The following ZNF689 variants were observed in gnomAD, a reference collection of about 807,000 sequenced individuals.
ZNF689 encodes zinc finger protein 689, also known as short ORF-encoded histone-binding protein.
Under a neutral mutation model 37.2 loss-of-function variants are expected in ZNF689, and 14 were observed. The ratio of observed to expected loss-of-function variants is 0.38; its 90% CI spans 0.25 to 0.59. The LOEUF is 0.59. Ranked by LOEUF, ZNF689 falls within the 20% of genes least tolerant of loss-of-function variation. The pLI, the probability that ZNF689 is intolerant of heterozygous loss-of-function variation, is 0.68. For synonymous variants in ZNF689, 277 were observed against 283.3 expected (o/e 0.98, Z 0.22); for missense variants, 573 against 700.2 (o/e 0.82, Z 2.05).
chr16:30,610,422 C>T (rs1365982161), upstream of ZNF689: 2 of 212,574 alleles, frequency 9.4e-6, no homozygotes, highest in South Asian at 8.4e-5. Context: ...TCTTTTTTCC[C>T]CTCCCCAATA....
intron 2 of ZNF689, chr16:30,609,289 AG>A (rs2052067469): frequency 1.2e-5 from 4 of 327,932 alleles, no homozygotes; most frequent in South Asian, 6.5e-5. Context: ...AAAAAAAAAA[AG>A]ACGAAGAATA....
chr16:30,608,309 C>T (rs2052054586), intron 2 of ZNF689: 1 of 151,836 alleles, frequency 6.6e-6, no homozygotes, highest in Non-Finnish European at 1.5e-5. Flanking sequence ...GATGGAGTCT[C>T]ACTGTGGCAC....
chr16:30,607,516 G>A lies in ZNF689; in HGVS notation c.319+2009C>T, dbSNP rs993174074. On this transcript the variant is annotated intron_variant, in intron 2 of 2. Coordinates refer to ENST00000287461, the MANE Select transcript of ZNF689 (RefSeq NM_138447.3). ...TGAGTCAAGATGATTACTTGAAACC[G>A]GAAGGCAAAGGTTGCAGTGAGCCAA... Among the ~76,000 whole-genome samples, 11 of 151,988 alleles carry A rather than the reference G, an allele frequency of 7.2e-5. No homozygotes were observed. In the East Asian group the frequency reaches 1.7e-3, roughly 24 times the overall value.
Position 30,609,908 on chromosome 16 carries a change from C to T in ZNF689, c.134G>A (p.Cys45Tyr). The T allele has an allele frequency of 6.2e-7, 1 of 1,612,456 alleles. No individual in the cohort carries two copies. Among genetic ancestry groups the T allele is most frequent in the East Asian group, 2.2e-5 (1 of 44,850 alleles). The stretch of plus-strand genomic sequence containing the variant: ...CAGGGCCCTCTGCGCGGGCCGCAGG[C>T]AGCCCCACTCCTCCGGGGAGAAGTA... ...AVYFSPEEWG[C>Y]LRPAQRALYR... is the part of the protein sequence containing the mutation. Residue 45 changes from cysteine (C) to tyrosine (Y), a missense_variant, in exon 1 of 3, where the codon TGC becomes TAC. Transcript: ENST00000287461.
In ZNF689 at chr16:30,604,974, T is replaced by G; in HGVS notation, c.793A>C (p.Ser265Arg). The G allele has an allele frequency of 3.8e-6, 6 of 1,590,162 alleles. No individual in the cohort carries two copies. Among genetic ancestry groups the G allele is most frequent in the Non-Finnish European group, 5.1e-6 (6 of 1,166,670 alleles). The change falls in exon 3 of 3, where the codon AGC (serine) becomes CGC (arginine). Residue 265 changes from serine (S) to arginine (R), a missense_variant. Physicochemically the swap from Ser to Arg is moderately radical, Grantham distance 110 (BLOSUM62 -1). This residue lies in a region of ZNF689 where 317 missense variants were observed against 367.1 expected (regional missense o/e 0.86). Coordinates refer to ENST00000287461, the MANE Select transcript of ZNF689 (RefSeq NM_138447.3). The surrounding 1 kb of genome is among the most constrained non-coding windows in gnomAD (Gnocchi z 5.2). ...HTGEKPHQCP[S>R]CGRRFAYPSL... is the part of the protein sequence containing the mutation. The stretch of plus-strand genomic sequence containing the variant: ...GGGTAGGCGAAGCGACGTCCACAGC[T>G]AGGGCACTGGTGGGGTTTTTCACCT...
chr16:30,607,460 G>A (rs1326375873), intron 2 of ZNF689, among the ~76,000 whole-genome samples: 4 of 151,046 alleles, frequency 2.6e-5, no homozygotes, highest in Non-Finnish European at 4.4e-5. Flanking sequence ...GCATGCTGGC[G>A]GGCGCCTGTA....
chr16:30,609,468 T>G, intron 2 of ZNF689, 57 bp downstream of exon 2: 4 of 1,514,112 alleles, frequency 2.6e-6, no homozygotes, highest in Non-Finnish European at 3.7e-6. Flanking sequence ...GACAGAGCCG[T>G]TAGAGGTAGA....
Position 30,605,104 on chromosome 16 carries a change from G to A in ZNF689, c.663C>T (p.Ser221=). 3.1e-6 allele frequency: 5 copies of A among 1,614,110 alleles called. No homozygotes were observed. The highest frequency in any genetic ancestry group is 4.2e-6 in the Non-Finnish European group (5 of 1,180,024). Residue 221 remains serine, a synonymous_variant, in exon 3 of 3, where the codon TCC becomes TCT. Transcript: ENST00000287461. This position sits in a 1 kb window ranked among gnomAD's most constrained non-coding sequence, Gnocchi z 5.1. The part of the protein sequence containing the change: ...GKRFSQRKNL[S]QHQVIHTGEK... ...CCCCTGTATGGATGACCTGGTGCTG[G>A]GAGAGGTTCTTGCGCTGGGAGAAAC...
chr16:30,610,071 C>T lies in ZNF689; in HGVS notation c.-30G>A, dbSNP rs1369996434. The stretch of plus-strand genomic sequence containing the variant: ...CCCGAGAAGCCGGCGCCACGGCCTT[C>T]CGTGTCCAGGCCTCGGCCCTCGGGC... On this transcript the variant is annotated 5_prime_UTR_variant, in exon 1 of 3. Transcript: ENST00000287461. 7 of 1,558,802 alleles carry T rather than the reference C, an allele frequency of 4.5e-6. No homozygotes were observed. The highest frequency in any genetic ancestry group is 4.3e-6 in the Non-Finnish European group (5 of 1,153,286).
rs2151244497 is a variant in ZNF689, at chr16:30,605,509, T to C, written c.320-62A>G. On this transcript the variant is annotated intron_variant, in intron 2 of 2. Transcript: ENST00000287461. The surrounding 1 kb of genome is among the most constrained non-coding windows in gnomAD (Gnocchi z 5.1). ...GGGCTCCTGCTCTTGTCAATTACAT[T>C]ATAGGTTACAAGACCAATAGACTCA... 1 of 1,539,224 alleles carries C rather than the reference T, an allele frequency of 6.5e-7. No homozygotes were observed. Among genetic ancestry groups the C allele is most frequent in the East Asian group, 2.3e-5 (1 of 44,386 alleles).
In ZNF689 at chr16:30,603,981, C is replaced by T. The variant is rs1461522277; in HGVS notation, c.*283G>A. ...GTGGACAGACTAGAAAAGCAGACAGCCCCTAAAATAGATGGGGAGAACTTT... is the reference window on the plus strand; with the variant it reads ...GTGGACAGACTAGAAAAGCAGACAGTCCCTAAAATAGATGGGGAGAACTTT... On this transcript the variant is annotated 3_prime_UTR_variant, in exon 3 of 3. Coordinates refer to ENST00000287461, the MANE Select transcript of ZNF689 (RefSeq NM_138447.3). 1.7e-6 allele frequency: 1 copy of T among 579,312 alleles called. No individual in the cohort carries two copies. The highest frequency in any genetic ancestry group is 3.2e-6 in the Non-Finnish European group (1 of 309,622). The allele number at this position is 579,312 out of a possible 1,614,324, so 35.9% of individuals were successfully genotyped here.
chr16:30,609,267 C>CAAAAAAAAAAAAAAAAAAAAAA (rs77079521), intron 2 of ZNF689, among the ~76,000 whole-genome samples: 1 of 60,726 alleles, frequency 1.6e-5, no homozygotes, highest in African/African-American at 6.1e-5. Context: ...AATGTTTCTA[C>CAAAAAAAAAAAAAAAAAAAAAA]AAAAAAAAAA....
chr16:30,606,779 G>A (rs1476711003), intron 2 of ZNF689, among the ~76,000 whole-genome samples: 1 of 152,104 alleles, frequency 6.6e-6, no homozygotes, highest in Admixed American at 6.6e-5. Context: ...CTACAGGCGT[G>A]AGCCACCATG....
At position 30,602,926 on chromosome 16, in the gene ZNF689, T is replaced by C. The variant is rs1476044092; in HGVS notation, c.*1338A>G. On this transcript the variant is annotated 3_prime_UTR_variant, in exon 3 of 3. Transcript: ENST00000287461. ...GTGGGTGCCATGGAGGTGGATCAGATTGAGCCACGCTGCTGCCACCTCTGT... is the reference window on the plus strand; with the variant it reads ...GTGGGTGCCATGGAGGTGGATCAGACTGAGCCACGCTGCTGCCACCTCTGT... 2 of 152,256 alleles carry C rather than the reference T, an allele frequency of 1.3e-5. No individual in the cohort carries two copies. Among genetic ancestry groups the C allele is most frequent in the Non-Finnish European group, 2.9e-5 (2 of 68,054 alleles). 9.4% of individuals were successfully genotyped at this position (152,256 alleles called of 1,614,324 possible). A position where few individuals can be genotyped will look rare whatever the true frequency, so the allele number is the denominator to read the frequency against.
chr16:30,604,270 G>T lies in ZNF689; in HGVS notation c.1497C>A (p.Ala499=), dbSNP rs144890828. The T allele has an allele frequency of 3.1e-6, 5 of 1,614,020 alleles. No individual in the cohort carries two copies. In the African/African-American group the frequency reaches 6.7e-5, roughly 22 times the overall value. The change falls in exon 3 of 3, where the codon GCC becomes GCA. Residue 499 remains alanine, a synonymous_variant. Coordinates refer to ENST00000287461, the MANE Select transcript of ZNF689 (RefSeq NM_138447.3). This position sits in a 1 kb window ranked among gnomAD's most constrained non-coding sequence, Gnocchi z 5.2. ...AIGGSSQRGN[A]H is the part of the protein sequence containing the mutation. Reference sequence around the variant, plus strand: ...GTAGGCAGTCCTTCCCCTTCTAATGGGCGTTGCCCCTCTGACTGGAGCCCC... The same window carrying T: ...GTAGGCAGTCCTTCCCCTTCTAATGTGCGTTGCCCCTCTGACTGGAGCCCC...
In ZNF689 at chr16:30,604,892, A is replaced by G; in HGVS notation, c.875T>C (p.Leu292Pro). The G allele has an allele frequency of 6.3e-7, 1 of 1,575,038 alleles. No individual in the cohort carries two copies. Among genetic ancestry groups the G allele is most frequent in the Non-Finnish European group, 8.6e-7 (1 of 1,160,862 alleles). The stretch of plus-strand genomic sequence containing the variant: ...CTGGCGGAAGCGGCGGTTGCACTCG[A>G]GGCAAGTGTAGGGCTTCTCTCCCGT... ...THTGEKPYTC[L>P]ECNRRFRQRT... is the part of the protein sequence containing the mutation. The change falls in exon 3 of 3, where the codon CTC becomes CCC. Residue 292 changes from leucine (L) to proline (P), a missense_variant. This residue lies in a region of ZNF689 where 317 missense variants were observed against 367.1 expected (regional missense o/e 0.86). Transcript: ENST00000287461. This position sits in a 1 kb window ranked among gnomAD's most constrained non-coding sequence, Gnocchi z 5.2.
chr16:30,604,043 G>T lies in ZNF689; in HGVS notation c.*221C>A. On this transcript the variant is annotated 3_prime_UTR_variant, in exon 3 of 3. Coordinates refer to ENST00000287461, the MANE Select transcript of ZNF689 (RefSeq NM_138447.3). The surrounding 1 kb of genome is among the most constrained non-coding windows in gnomAD (Gnocchi z 5.2). ...TCCACACAAACTATTTTAGGATAGG[G>T]TAGCTTGGAAAACTTTAAGCAAATG... 1 of 700,018 alleles carries T rather than the reference G, an allele frequency of 1.4e-6. No individual in the cohort carries two copies. The highest frequency in any genetic ancestry group is 2.7e-5 in the East Asian group (1 of 36,510). 43.4% of individuals were successfully genotyped at this position (700,018 alleles called of 1,614,324 possible).
rs1439612373 is a variant in ZNF689, at chr16:30,604,498, G to C, written c.1269C>G (p.His423Gln). ...PSLLASHRRV[H>Q]SGERPYACDL... ...CGCAGGCATAGGGCCGCTCGCCCGAGTGCACGCGCCGGTGGCTGGCCAGCA... is the reference window on the plus strand; with the variant it reads ...CGCAGGCATAGGGCCGCTCGCCCGACTGCACGCGCCGGTGGCTGGCCAGCA... The change falls in exon 3 of 3, where the codon CAC (histidine) becomes CAG (glutamine). Residue 423 changes from histidine to glutamine, a missense_variant. By Grantham distance (24) the His-to-Gln change is conservative. Coordinates refer to ENST00000287461, the MANE Select transcript of ZNF689 (RefSeq NM_138447.3). This position sits in a 1 kb window ranked among gnomAD's most constrained non-coding sequence, Gnocchi z 5.2. The C allele has an allele frequency of 6.2e-7, 1 of 1,600,344 alleles. No homozygotes were observed. The highest frequency in any genetic ancestry group is 8.5e-7 in the Non-Finnish European group (1 of 1,173,812).
At position 30,605,387 on chromosome 16, in the gene ZNF689, C is replaced by T. The variant is rs774036821; in HGVS notation, c.380G>A (p.Arg127Gln). The change falls in exon 3 of 3, where the codon CGA (arginine) becomes CAA (glutamine). Residue 127 changes from arginine (R) to glutamine (Q), a missense_variant. Physicochemically the swap from Arg to Gln is conservative, Grantham distance 43. Transcript: ENST00000287461. The surrounding 1 kb of genome is among the most constrained non-coding windows in gnomAD (Gnocchi z 5.1). The stretch of plus-strand genomic sequence containing the variant: ...GGGCCTCCGGCCTCGCTTCCCCTTT[C>T]GGGGTGCCTCCTTAGGCGGGAATAC... ...KEVFPPKEAP[R>Q]KGKRGRRPSK... is the part of the protein sequence containing the mutation. 1.9e-6 allele frequency: 3 copies of T among 1,614,040 alleles called. No homozygotes were observed. Among genetic ancestry groups the T allele is most frequent in the Non-Finnish European group, 1.7e-6 (2 of 1,179,962 alleles).
Sources: allele counts gnomAD v4.1 joint callset (sites outside exome capture counted in the v4.1 genomes callset), GRCh38; gene constraint gnomAD v4.1.1; regional missense constraint gnomAD v4.1.1; non-coding constraint Gnocchi (gnomAD v3.1); transcripts MANE v1.5; gene names NCBI Gene and HGNC (gene_info 2026-07-23, HGNC 2026-07-21).